Variants in TPO observed in about 807,000 individuals in gnomAD.
The protein encoded by TPO is thyroid peroxidase, also known as thyroid microsomal antigen.
A neutral mutation model predicts 96.9 loss-of-function variants in TPO; 78 were observed. The ratio of observed to expected loss-of-function variants is 0.81; its 90% CI spans 0.67 to 0.97. The LOEUF (loss-of-function observed/expected upper bound fraction) is 0.97. Among genes scored for constraint, TPO ranks in the 50% least tolerant of loss-of-function variants. The probability of loss-of-function intolerance (pLI) is 0.00; values close to 1 mark genes in which losing one functional copy is unlikely to be tolerated. For synonymous variants in TPO, 547 were observed against 538.0 expected (o/e 1.02, Z -0.23); for missense variants, 1,252 against 1,274.8 (o/e 0.98, Z 0.27).
At chr2:1,512,424 CCT>C in intron 14 of TPO, 2 of 985,478 alleles carry the variant, frequency 2.0e-6, no homozygotes, top group Non-Finnish European at 2.4e-6. Context: ...CGAGAGAGCC[CCT>C]GAGCCCGGCC....
intron 1 of TPO, among the ~76,000 whole-genome samples, chr2:1,390,363 C>A (rs1181531816): frequency 1.3e-5 from 2 of 152,154 alleles, no homozygotes; most frequent in Admixed American, 1.3e-4. Context: ...TTTTTTATGG[C>A]TGCATAGTAT....
chr2:1,472,640 C>T (rs1002550352), intron 7 of TPO, among the ~76,000 whole-genome samples: 5 of 152,034 alleles, frequency 3.3e-5, no homozygotes, highest in African/African-American at 9.7e-5. Context: ...CAGCCTCTGC[C>T]ACAGCGTGGA....
At chr2:1,529,689 A>C (rs1332623477) in intron 15 of TPO, among the ~76,000 whole-genome samples, 3 of 88,202 alleles carry the variant, frequency 3.4e-5, no homozygotes, top group Admixed American at 2.8e-4. Context: ...AACCTCCTCA[A>C]ATCCCCCCAC....
rs1313406420 is a variant in TPO, at chr2:1,542,928, G to GGCTTCCT, written c.*457_*463dup. 3.8e-6 allele frequency: 1 copy of GGCTTCCT among 259,760 alleles called. No homozygotes were observed. Among genetic ancestry groups the GGCTTCCT allele is most frequent in the Non-Finnish European group, 7.5e-6 (1 of 133,128 alleles). The allele number at this position is 259,760 out of a possible 1,614,324, so 16.1% of individuals were successfully genotyped here. The stretch of plus-strand genomic sequence containing the variant: ...CTCTTCTCCTGGGAAGAGCACTCCT[G>GGCTTCCT]GCTTCCTGCAGGGCCGGTGGGAGGA... On this transcript the variant is annotated 3_prime_UTR_variant, in exon 17 of 17. Transcript: ENST00000329066.
intron 15 of TPO, among the ~76,000 whole-genome samples, chr2:1,537,840 CCCCCCA>C (rs1324065529): frequency 9.2e-4 from 46 of 49,986 alleles, no homozygotes; most frequent in Non-Finnish European, 1.5e-3. Context: ...CTCCTCAAAT[CCCCCCA>C]CTGTGTGCAA....
chr2:1,465,458 G>C (rs553114838), intron 7 of TPO, among the ~76,000 whole-genome samples: 3 of 152,152 alleles, frequency 2.0e-5, no homozygotes, highest in Non-Finnish European at 4.4e-5. Flanking sequence ...ATTTTGATGG[G>C]AATTGTGTTG....
chr2:1,525,070 AC>A (rs1335085396), intron 15 of TPO, among the ~76,000 whole-genome samples: 2 of 49,086 alleles, frequency 4.1e-5, no homozygotes, highest in African/African-American at 8.5e-5. Flanking sequence ...ACTGTGTGCA[AC>A]CCCCCCAAAT....
upstream of TPO, among the ~76,000 whole-genome samples, chr2:1,411,045 C>A (rs1360126702): frequency 6.6e-6 from 1 of 151,920 alleles, no homozygotes; most frequent in African/African-American, 2.4e-5. Context: ...TTTCCACGTC[C>A]CCCTGCAGAA....
intron 14 of TPO, among the ~76,000 whole-genome samples, chr2:1,508,917 C>G (rs1399788503): frequency 2.6e-5 from 4 of 152,220 alleles, no homozygotes; most frequent in East Asian, 3.9e-4. Context: ...TTATTTCTTG[C>G]CTTCTGCTAG....
At chr2:1,527,763 A>C (rs1169409558) in intron 15 of TPO, among the ~76,000 whole-genome samples, 14 of 136,084 alleles carry the variant, frequency 1.0e-4, no homozygotes, top group Non-Finnish European at 1.8e-4. Flanking sequence ...AACCTCCCCA[A>C]ATCCCCCCCA....
At chr2:1,478,241 A>C in intron 8 of TPO, 2 of 985,422 alleles carry the variant, frequency 2.0e-6, no homozygotes, top group South Asian at 9.4e-5. Flanking sequence ...GATGGAGAAA[A>C]GCACTTATGC....
intron 7 of TPO, among the ~76,000 whole-genome samples, chr2:1,465,946 A>G (rs960029932): frequency 6.6e-6 from 1 of 152,078 alleles, no homozygotes; most frequent in African/African-American, 2.4e-5. Context: ...AGGAGTGGTG[A>G]GAGTAGGCAT....
At chr2:1,437,836 G>A (rs1335048221) in intron 5 of TPO, among the ~76,000 whole-genome samples, 1 of 83,016 alleles carries the variant, frequency 1.2e-5, no homozygotes, top group Non-Finnish European at 2.6e-5. Flanking sequence ...CCTGAAGCCT[G>A]GGGGGGGGTC....
At chr2:1,487,153 A>T (rs537264637) in intron 9 of TPO, among the ~76,000 whole-genome samples, 5 of 152,100 alleles carry the variant, frequency 3.3e-5, no homozygotes, top group Non-Finnish European at 7.4e-5. Context: ...CCACTCCCTC[A>T]GCTAAGCTGA....
intron 1 of TPO, among the ~76,000 whole-genome samples, chr2:1,414,122 T>C (rs1662631930): frequency 6.6e-6 from 1 of 152,180 alleles, no homozygotes; most frequent in Non-Finnish European, 1.5e-5. Context: ...AAAATTTAAA[T>C]AGGTTATTAC....
At chr2:1,513,752 T>C (rs1573498013) in intron 14 of TPO, 2 of 152,338 alleles carry the variant, frequency 1.3e-5, no homozygotes, top group East Asian at 3.9e-4. Context: ...AACATAGATA[T>C]AGATAACAAA....
intron 4 of TPO, 71 bp downstream of exon 4, chr2:1,433,678 G>A: frequency 6.4e-7 from 1 of 1,557,592 alleles, no homozygotes; most frequent in Non-Finnish European, 8.7e-7. Flanking sequence ...TTGTGCAGGG[G>A]CTGCTTGCTC....
At chr2:1,487,245 CA>C (rs1671257480) in intron 9 of TPO, among the ~76,000 whole-genome samples, 1 of 151,422 alleles carries the variant, frequency 6.6e-6, no homozygotes, top group Admixed American at 6.6e-5. Context: ...AGAAATAAAA[CA>C]AAAAGCTTTA....
At chr2:1,452,426 A>G (rs1004872810) in intron 5 of TPO, among the ~76,000 whole-genome samples, 6 of 152,236 alleles carry the variant, frequency 3.9e-5, no homozygotes, top group Non-Finnish European at 8.8e-5. Context: ...TTAATAACTA[A>G]TAGTGCTCCT....
Sources: gnomAD v4.1 joint callset for allele counts (sites outside exome capture counted in the v4.1 genomes callset) on GRCh38, gnomAD v4.1.1 for gene constraint, MANE v1.5 for transcripts, NCBI Gene and HGNC (gene_info 2026-07-23, HGNC 2026-07-21) for gene names.